Variants in FNDC3B observed in about 807,000 individuals in gnomAD.
FNDC3B encodes the protein fibronectin type III domain-containing protein 3B.
FNDC3B carries 12 observed loss-of-function variants against 151.5 expected under a neutral mutation model. The observed-to-expected ratio is 0.08, with a 90% CI of 0.05 to 0.13. The LOEUF is 0.13. Ranked by LOEUF, FNDC3B falls within the 10% of genes least tolerant of loss-of-function variation. The pLI, the probability that FNDC3B is intolerant of heterozygous loss-of-function variation, is 1.00. For synonymous variants in FNDC3B, 528 were observed against 549.0 expected, an observed-to-expected ratio of 0.96 and a Z score of 0.54; for missense variants, 1,214 against 1,505.3, an observed-to-expected ratio of 0.81 and a Z score of 3.20.
chr3:172,250,587 T>C (rs1420935971), intron 5 of FNDC3B, among the ~76,000 whole-genome samples: 1 of 152,208 alleles, frequency 6.6e-6, no homozygotes, highest in Non-Finnish European at 1.5e-5. Context: ...TTGTTCTGAC[T>C]TTTTCATGTA....
chr3:172,257,581 C>A (rs1463883610), intron 6 of FNDC3B, among the ~76,000 whole-genome samples: 3 of 143,906 alleles, frequency 2.1e-5, no homozygotes, highest in African/African-American at 5.4e-5. Context: ...CACACACACA[C>A]ACACACACAC....
At chr3:172,225,121 T>G (rs79676570) in intron 3 of FNDC3B, among the ~76,000 whole-genome samples, 25,342 of 152,252 alleles carry the variant, frequency 0.17, 2,702 homozygotes, top group Non-Finnish European at 0.23. Context: ...TTGAATTTAA[T>G]TTGTTGTTGT....
chr3:172,361,813 C>T (rs1734376502), intron 22 of FNDC3B, among the ~76,000 whole-genome samples: 1 of 152,092 alleles, frequency 6.6e-6, no homozygotes, highest in Non-Finnish European at 1.5e-5. Context: ...AGTACTGGGA[C>T]CACAGGCATG....
chr3:172,262,701 A>G (rs1035270776), intron 6 of FNDC3B, among the ~76,000 whole-genome samples: 3 of 151,690 alleles, frequency 2.0e-5, no homozygotes, highest in Non-Finnish European at 4.4e-5. Context: ...CCAGGAGTTC[A>G]AGACCAGCCT....
intron 19 of FNDC3B, chr3:172,345,902 A>G (rs555062): frequency 0.6 from 91,674 of 152,384 alleles, 28,162 homozygotes; most frequent in Non-Finnish European, 0.66. Flanking sequence ...TAGAAGAAAT[A>G]CCTAGAATTT....
intron 1 of FNDC3B, among the ~76,000 whole-genome samples, chr3:172,061,326 G>A (rs190096674): frequency 5.4e-4 from 81 of 150,794 alleles, no homozygotes; most frequent in African/African-American, 1.9e-3. Flanking sequence ...TCCGCCTCCC[G>A]GGTTCGCACC....
intron 1 of FNDC3B, among the ~76,000 whole-genome samples, chr3:172,067,447 CT>C (rs1263553626): frequency 2.0e-5 from 3 of 152,160 alleles, no homozygotes; most frequent in African/African-American, 7.2e-5. Context: ...TCGGACTCTG[CT>C]TTTTTTCTTG....
intron 3 of FNDC3B, among the ~76,000 whole-genome samples, chr3:172,161,445 T>C (rs970315759): frequency 2.0e-5 from 3 of 152,226 alleles, no homozygotes; most frequent in Admixed American, 6.5e-5. Context: ...TAGAGCATTC[T>C]AAAGGCTAAC....
intron 1 of FNDC3B, among the ~76,000 whole-genome samples, chr3:172,063,221 A>G (rs969623333): frequency 1.7e-4 from 26 of 151,946 alleles, no homozygotes; most frequent in Non-Finnish European, 5.9e-5. Flanking sequence ...TCTACAGTCT[A>G]TTCTTTGCTG....
intron 3 of FNDC3B, among the ~76,000 whole-genome samples, chr3:172,199,426 G>A (rs1286785525): frequency 2.0e-5 from 3 of 148,622 alleles, no homozygotes; most frequent in African/African-American, 7.4e-5. Flanking sequence ...TGATCCGCCC[G>A]CCTCGGCCTC....
At chr3:172,346,130 T>C (rs1473313215) in intron 19 of FNDC3B, 197 bp from the exon 20 acceptor site, 5 of 345,010 alleles carry the variant, frequency 1.4e-5, no homozygotes. Context: ...CATCTACTAC[T>C]CAGGGACTGT....
At chr3:172,331,697 G>C (rs991316757) in intron 13 of FNDC3B, among the ~76,000 whole-genome samples, 4 of 152,034 alleles carry the variant, frequency 2.6e-5, no homozygotes, top group Non-Finnish European at 5.9e-5. Context: ...CGTGTGTGCT[G>C]TGGCCTCAAA....
intron 9 of FNDC3B, among the ~76,000 whole-genome samples, chr3:172,300,655 AC>A (rs1002394301): frequency 6.6e-6 from 1 of 152,106 alleles, no homozygotes; most frequent in Non-Finnish European, 1.5e-5. Context: ...CTTTCTCCTG[AC>A]ACATTTGGGA....
intron 6 of FNDC3B, among the ~76,000 whole-genome samples, chr3:172,273,815 C>T (rs771364599): frequency 8.5e-5 from 13 of 152,054 alleles, no homozygotes; most frequent in Admixed American, 2.6e-4. Flanking sequence ...CATCTGGAGC[C>T]GTAAATAAGT....
intron 17 of FNDC3B, among the ~76,000 whole-genome samples, chr3:172,341,830 G>A (rs1237529360): frequency 1.3e-5 from 2 of 152,146 alleles, no homozygotes; most frequent in Non-Finnish European, 2.9e-5. Flanking sequence ...CTGTTAACAT[G>A]TCAGGAGCCT....
chr3:172,284,884 C>T (rs1200926834), intron 6 of FNDC3B, among the ~76,000 whole-genome samples: 1 of 151,572 alleles, frequency 6.6e-6, no homozygotes, highest in Non-Finnish European at 1.5e-5. Context: ...GCGTTTAGCT[C>T]ATAAACTAGG....
intron 1 of FNDC3B, among the ~76,000 whole-genome samples, chr3:172,068,497 C>T (rs999139175): frequency 1.4e-5 from 2 of 145,768 alleles, no homozygotes; most frequent in African/African-American, 5.0e-5. Context: ...AATCTCGTCT[C>T]ACTGCAGCCT....
chr3:172,288,135 CAGAGAG>C (rs761314929), intron 7 of FNDC3B, among the ~76,000 whole-genome samples: 2 of 152,198 alleles, frequency 1.3e-5, no homozygotes, highest in African/African-American at 4.8e-5. Context: ...TTGTTGCCAA[CAGAGAG>C]AAAGTATGTG....
intron 19 of FNDC3B, 66 bp downstream of exon 19, chr3:172,344,324 C>T (rs893778603): frequency 6.9e-7 from 1 of 1,444,468 alleles, no homozygotes; most frequent in Non-Finnish European, 9.4e-7. Context: ...AGTGCTAGCA[C>T]TTCTGTCTCT....
Sources: gnomAD v4.1 joint callset for allele counts (sites outside exome capture counted in the v4.1 genomes callset) on GRCh38, gnomAD v4.1.1 for gene constraint, MANE v1.5 for transcripts, NCBI Gene and HGNC (gene_info 2026-07-23, HGNC 2026-07-21) for gene names.